The following PDZD2 variants were observed in gnomAD, a reference collection of about 807,000 sequenced individuals.
PDZD2 encodes PDZ domain-containing protein 2.
PDZD2 carries 90 observed loss-of-function variants against 220.7 expected under a neutral mutation model. The observed-to-expected ratio is 0.41, with a 90% CI of 0.34 to 0.49. PDZD2 has a LOEUF of 0.49. Ranked by LOEUF, PDZD2 falls within the 20% of genes least tolerant of loss-of-function variation. The pLI is 0.28. For missense variants in PDZD2, 3,174 were observed against 3,608.5 expected (o/e 0.88, Z 3.08); for synonymous variants, 1,375 against 1,450.5 (o/e 0.95, Z 1.18).
intron 14 of PDZD2, among the ~76,000 whole-genome samples, chr5:32,062,512 G>A (rs1581402705): frequency 6.6e-6 from 1 of 151,222 alleles, no homozygotes; most frequent in African/African-American, 2.4e-5. Context: ...TCCCACCTCA[G>A]CCTCCAGAGT....
chr5:31,824,797 A>G (rs893873369), intron 2 of PDZD2, among the ~76,000 whole-genome samples: 2 of 152,234 alleles, frequency 1.3e-5, no homozygotes, highest in Non-Finnish European at 2.9e-5. Context: ...AATTATGGAA[A>G]GATACACAAA....
chr5:32,073,879 G>A lies in PDZD2; in HGVS notation c.2773G>A (p.Gly925Arg), dbSNP rs1741001896. 3.1e-6 allele frequency: 5 copies of A among 1,614,068 alleles called. No homozygotes were observed. Among genetic ancestry groups the A allele is most frequent in the Non-Finnish European group, 4.2e-6 (5 of 1,179,972 alleles). ...KPRANSLVTL[G>R]SHRASGLFHK... Reference sequence around the variant, plus strand: ...CAGAGCCAACAGCCTCGTGACTCTTGGGAGCCATCGGGCTTCTGGGCTCTT... The same window carrying A: ...CAGAGCCAACAGCCTCGTGACTCTTAGGAGCCATCGGGCTTCTGGGCTCTT... The change falls in exon 18 of 25, where the codon GGG becomes AGG. Residue 925 changes from glycine to arginine, a missense_variant. Physicochemically the swap from Gly to Arg is moderately radical, Grantham distance 125. This residue lies in a region of PDZD2 where 1,861 missense variants were observed against 2,001.0 expected (regional missense o/e 0.93). Coordinates refer to ENST00000438447, the MANE Select transcript of PDZD2 (RefSeq NM_178140.4).
At chr5:31,682,671 CTGTGTGTGTGTG>C (rs70955735) in intron 1 of PDZD2, among the ~76,000 whole-genome samples, 47,815 of 145,976 alleles carry the variant, frequency 0.33, 8,087 homozygotes, top group Admixed American at 0.39. Context: ...AGTCTTTCGG[CTGTGTGTGTGTG>C]TGTGTGTGTG....
chr5:31,799,440 C>T lies in PDZD2; in HGVS notation c.192C>T (p.Pro64=), dbSNP rs200048882. The change falls in exon 2 of 25, where the codon CCC becomes CCT. Residue 64 remains proline, a synonymous_variant. Coordinates refer to ENST00000438447, the MANE Select transcript of PDZD2 (RefSeq NM_178140.4). Reference sequence around the variant, plus strand: ...CGGTCCCACCTGATCACAGCCCCCCCGAAATGGAGATCTGTACTGTGTACC... The same window carrying T: ...CGGTCCCACCTGATCACAGCCCCCCTGAAATGGAGATCTGTACTGTGTACC... The part of the protein sequence containing the change: ...ESTVPPDHSP[P]EMEICTVYLT... 406 of 1,614,172 alleles carry T rather than the reference C, an allele frequency of 2.5e-4. 3 individuals are homozygous for T. The Admixed American group carries it at 5.3e-3, about 21-fold the overall frequency.
At chr5:31,747,039 G>A (rs1197560040) in intron 1 of PDZD2, among the ~76,000 whole-genome samples, 1 of 152,160 alleles carries the variant, frequency 6.6e-6, no homozygotes, top group Non-Finnish European at 1.5e-5. Context: ...GCTGGGTGTG[G>A]TGGCGGATGC....
chr5:31,995,431 C>T lies in PDZD2; in HGVS notation c.979-145C>T, dbSNP rs991872099. On this transcript the variant is annotated intron_variant, in intron 3 of 24. Transcript: ENST00000438447. ...TGCCAGCCAGAGACTTGGGTCCAAT[C>T]GGCAGAATTCTTTTCTCCTGTGATA... is the stretch of plus-strand genomic sequence containing the variant. The T allele has an allele frequency of 2.5e-5, 20 of 806,374 alleles. No homozygotes were observed. The African/African-American group carries it at 2.5e-4, about 10-fold the overall frequency. 50.0% of individuals were successfully genotyped at this position (806,374 alleles called of 1,614,324 possible). A position where few individuals can be genotyped will look rare whatever the true frequency, so the allele number is the denominator to read the frequency against.
chr5:31,654,942 C>A (rs1745489395), intron 1 of PDZD2, among the ~76,000 whole-genome samples: 1 of 152,102 alleles, frequency 6.6e-6, no homozygotes, highest in Admixed American at 6.5e-5. Context: ...CCTCCCCTTG[C>A]CCTTCCTGTT....
chr5:31,676,938 C>T (rs1746452672), intron 1 of PDZD2, among the ~76,000 whole-genome samples: 1 of 152,108 alleles, frequency 6.6e-6, no homozygotes, highest in African/African-American at 2.4e-5. Flanking sequence ...GCTTTGAGGA[C>T]TGCTTTCCCC....
intron 1 of PDZD2, among the ~76,000 whole-genome samples, chr5:31,741,391 A>G (rs1449876420): frequency 1.3e-5 from 2 of 151,220 alleles, no homozygotes; most frequent in Admixed American, 6.6e-5. Context: ...GGCTCCTCCC[A>G]GAATTTTTTT....
At chr5:31,849,909 T>C (rs375916346) in intron 2 of PDZD2, among the ~76,000 whole-genome samples, 566 of 24,290 alleles carry the variant, frequency 0.023, 118 homozygotes, top group East Asian at 0.04. Context: ...TATATACATA[T>C]ATATATATAC....
At chr5:31,841,656 A>G (rs1388433847) in intron 2 of PDZD2, among the ~76,000 whole-genome samples, 1 of 148,182 alleles carries the variant, frequency 6.7e-6, no homozygotes, top group East Asian at 2.0e-4. Flanking sequence ...CTGGCGACAG[A>G]GTGAGACTTG....
At chr5:32,001,107 C>T (rs905074035) in intron 5 of PDZD2, among the ~76,000 whole-genome samples, 1 of 152,238 alleles carries the variant, frequency 6.6e-6, no homozygotes, top group African/African-American at 2.4e-5. Flanking sequence ...AAAACCATCC[C>T]TCTTGCCCCT....
chr5:32,096,042 G>A (rs766668176), intron 21 of PDZD2, among the ~76,000 whole-genome samples: 13 of 150,782 alleles, frequency 8.6e-5, no homozygotes, highest in Non-Finnish European at 1.6e-4. Flanking sequence ...CGCACCCGGC[G>A]TAGGAGGCCT....
intron 1 of PDZD2, among the ~76,000 whole-genome samples, chr5:31,707,759 T>A (rs1465138610): frequency 2.0e-5 from 3 of 152,138 alleles, no homozygotes; most frequent in Non-Finnish European, 4.4e-5. Context: ...CCTGAGTAGC[T>A]GAGACTACAG....
At chr5:31,868,475 C>T (rs563666973) in intron 2 of PDZD2, among the ~76,000 whole-genome samples, 18 of 152,116 alleles carry the variant, frequency 1.2e-4, no homozygotes, top group African/African-American at 2.4e-4. Flanking sequence ...AGCTGTCCCG[C>T]GTGAGTTTGG....
Position 32,087,529 on chromosome 5 carries a change from G to A in PDZD2, c.4081G>A (p.Ala1361Thr), listed in dbSNP as rs749431984. ...RQGAPGNHSK[A>T]LEMTGIHAPE... is the part of the protein sequence containing the mutation. ...GGGAGCTCCAGGTAACCACAGTAAG[G>A]CTCTGGAAATGACAGGAATCCATGC... The change falls in exon 20 of 25, where the codon GCT (alanine) becomes ACT (threonine). Residue 1361 changes from alanine (A) to threonine (T), a missense_variant. Physicochemically the swap from Ala to Thr is moderately conservative, Grantham distance 58. This residue lies in a region of PDZD2 where 1,861 missense variants were observed against 2,001.0 expected (regional missense o/e 0.93). Coordinates refer to ENST00000438447, the MANE Select transcript of PDZD2 (RefSeq NM_178140.4). The surrounding 1 kb of genome is among the most constrained non-coding windows in gnomAD (Gnocchi z 4.0). The A allele has an allele frequency of 3.7e-6, 6 of 1,613,614 alleles. No individual in the cohort carries two copies. The highest frequency in any genetic ancestry group is 1.1e-5 in the South Asian group (1 of 91,000).
intron 6 of PDZD2, among the ~76,000 whole-genome samples, chr5:32,034,121 G>A (rs1341497377): frequency 6.6e-6 from 1 of 152,102 alleles, no homozygotes; most frequent in Non-Finnish European, 1.5e-5. Flanking sequence ...GGAAAATAAA[G>A]GAGAAGACAG....
In PDZD2 at chr5:31,870,240, T is replaced by C. The variant is rs74914061; in HGVS notation, c.476+70516T>C. 7.9e-5 allele frequency among the ~76,000 whole-genome samples: 12 copies of C among 152,254 alleles called. No individual in the cohort carries two copies. In the East Asian group the frequency reaches 1.7e-3, roughly 22 times the overall value. ...GAGAAAATGTGGAAAATAAGTTATA[T>C]AGCTTACCACATATGCCCACATATA... On this transcript the variant is annotated intron_variant, in intron 2 of 24. Transcript: ENST00000438447.
In PDZD2 at chr5:32,069,513, A is replaced by C. The variant is rs371168778; in HGVS notation, c.2452-56A>C. The C allele has an allele frequency of 3.0e-5, 30 of 1,013,002 alleles. 1 individual carries two copies. The East Asian group carries it at 3.6e-4, about 12-fold the overall frequency. 62.8% of individuals were successfully genotyped at this position (1,013,002 alleles called of 1,614,324 possible). On this transcript the variant is annotated intron_variant, in intron 14 of 24. Coordinates refer to ENST00000438447, the MANE Select transcript of PDZD2 (RefSeq NM_178140.4). ...TCTGACTCTGGTCCTAGGTACTTTC[A>C]TTGGGAGAAATAAATAAATAAAACC... is the stretch of plus-strand genomic sequence containing the variant.
Sources: gnomAD v4.1 joint callset for allele counts (sites outside exome capture counted in the v4.1 genomes callset) on GRCh38, gnomAD v4.1.1 for gene constraint, gnomAD v4.1.1 regional missense constraint, Gnocchi (gnomAD v3.1) non-coding constraint, MANE v1.5 for transcripts, NCBI Gene and HGNC (gene_info 2026-07-23, HGNC 2026-07-21) for gene names.